NRTN: variants seen among roughly 807,000 people sequenced by gnomAD.
The protein encoded by NRTN is neurturin.
NRTN carries 3 observed loss-of-function variants against 7.5 expected under a neutral mutation model. That is an observed-to-expected ratio of 0.40 (90% CI 0.18 to 1.03). The LOEUF is 1.03. Among genes scored for constraint, NRTN ranks in the 50% least tolerant of loss-of-function variants. The pLI, the probability that NRTN is intolerant of heterozygous loss-of-function variation, is 0.34. For missense variants in NRTN, 310 were observed against 307.0 expected (o/e 1.01, Z -0.07); for synonymous variants, 157 against 146.6 (o/e 1.07, Z -0.51).
In NRTN at chr19:5,805,240, C is replaced by T. The variant is rs1482907849; in HGVS notation, c.-610C>T. Among the ~76,000 whole-genome samples, 3 of 146,104 alleles carry T rather than the reference C, an allele frequency of 2.1e-5. No homozygotes were observed. In the East Asian group the frequency reaches 6.0e-4, roughly 29 times the overall value. ...GGCACCCACCCCCAGCCCCAGCCCC[C>T]GCCGGCCCGGGATGGCCGCAGCCCG... On this transcript the variant is annotated 5_prime_UTR_variant, in exon 1 of 3. Transcript: ENST00000303212.
chr19:5,809,293 C>T (rs1310625457), intron 1 of NRTN, among the ~76,000 whole-genome samples: 1 of 151,484 alleles, frequency 6.6e-6, no homozygotes, highest in Non-Finnish European at 1.5e-5. Flanking sequence ...GCGTCAGCTT[C>T]CTGAGTAGCT....
At chr19:5,810,927 C>CAA (rs58641753) in intron 1 of NRTN, among the ~76,000 whole-genome samples, 6 of 136,422 alleles carry the variant, frequency 4.4e-5, no homozygotes, top group Non-Finnish European at 8.0e-5. Flanking sequence ...GACTCCATCT[C>CAA]AAAAAAAAAA....
intron 1 of NRTN, among the ~76,000 whole-genome samples, chr19:5,814,328 G>A (rs979471559): frequency 5.9e-5 from 9 of 152,218 alleles, no homozygotes; most frequent in African/African-American, 2.2e-4. Flanking sequence ...AGGGTTTCTG[G>A]TGGAGGGGCT....
intron 2 of NRTN, 112 bp from the exon 3 acceptor site, chr19:5,827,637 G>C (rs2057051600): frequency 2.5e-6 from 1 of 395,584 alleles, no homozygotes; most frequent in African/African-American, 2.2e-5. Context: ...AGCCGTCTAG[G>C]CCTGGCGTCC....
intron 1 of NRTN, among the ~76,000 whole-genome samples, chr19:5,811,060 A>C (rs2056989188): frequency 6.6e-6 from 1 of 151,930 alleles, no homozygotes; most frequent in Non-Finnish European, 1.5e-5. Context: ...AACATGGTGA[A>C]ACCCCGTCTC....
intron 1 of NRTN, among the ~76,000 whole-genome samples, chr19:5,810,738 G>C (rs560347506): frequency 1.3e-5 from 2 of 151,038 alleles, no homozygotes; most frequent in South Asian, 2.1e-4. Flanking sequence ...AGACCACCCT[G>C]GCCAACATGG....
intron 1 of NRTN, among the ~76,000 whole-genome samples, chr19:5,808,991 A>G (rs575331606): frequency 6.6e-6 from 1 of 151,546 alleles, no homozygotes; most frequent in African/African-American, 2.4e-5. Flanking sequence ...TCCTGACCTC[A>G]TGATCCTCCC....
At chr19:5,820,258 T>C (rs1170097655) in intron 1 of NRTN, among the ~76,000 whole-genome samples, 7 of 82,496 alleles carry the variant, frequency 8.5e-5, no homozygotes, top group East Asian at 2.8e-4. Flanking sequence ...AGAGCAAGAC[T>C]CCGTCTCAAA....
chr19:5,824,021 C>T lies in NRTN; in HGVS notation c.-145C>T. 1 of 1,076,758 alleles carries T rather than the reference C, an allele frequency of 9.3e-7. No individual in the cohort carries two copies. Among genetic ancestry groups the T allele is most frequent in the Admixed American group, 2.0e-5 (1 of 50,990 alleles). 66.7% of individuals were successfully genotyped at this position (1,076,758 alleles called of 1,614,324 possible). ...CCTTGTTCAATGGTTCCTTGAGGGACCATTCCCATGTGATTATCGACCATT... is the reference window on the plus strand; with the variant it reads ...CCTTGTTCAATGGTTCCTTGAGGGATCATTCCCATGTGATTATCGACCATT... On this transcript the variant is annotated 5_prime_UTR_variant, in exon 2 of 3. Coordinates refer to ENST00000303212, the MANE Select transcript of NRTN (RefSeq NM_004558.5).
intron 2 of NRTN, among the ~76,000 whole-genome samples, chr19:5,825,217 G>A (rs1015837136): frequency 6.6e-6 from 1 of 152,234 alleles, no homozygotes; most frequent in African/African-American, 2.4e-5. Flanking sequence ...TGCCCACCCT[G>A]AGGGCAAGAC....
At chr19:5,820,573 A>AG (rs1474076850) in intron 1 of NRTN, among the ~76,000 whole-genome samples, 1 of 148,512 alleles carries the variant, frequency 6.7e-6, no homozygotes, top group East Asian at 2.0e-4. Context: ...TCAAAAAAAA[A>AG]AAAAAATTAC....
At chr19:5,819,435 G>T (rs1466790122) in intron 1 of NRTN, among the ~76,000 whole-genome samples, 1 of 152,228 alleles carries the variant, frequency 6.6e-6, no homozygotes, top group East Asian at 1.9e-4. Flanking sequence ...GCCAAAGCGG[G>T]TGGATCACCT....
At chr19:5,819,196 C>T (rs1182373266) in intron 1 of NRTN, among the ~76,000 whole-genome samples, 2 of 152,230 alleles carry the variant, frequency 1.3e-5, no homozygotes, top group Non-Finnish European at 2.9e-5. Context: ...CACTTCCCAC[C>T]TCTGGACCTG....
In NRTN at chr19:5,827,867, G is replaced by A. The variant is rs763031420; in HGVS notation, c.288G>A (p.Ala96=). 241 of 1,230,080 alleles carry A rather than the reference G, an allele frequency of 2.0e-4. 1 individual carries two copies. Among genetic ancestry groups the A allele is most frequent in the Non-Finnish European group, 2.4e-4 (235 of 987,742 alleles). 76.2% of individuals were successfully genotyped at this position (1,230,080 alleles called of 1,614,324 possible). ...RAGPRRRRAR[A]RLGARPCGLR... ...GGCCCCGGCGGCGGCGCGCGCGTGC[G>A]CGGTTGGGGGCGCGGCCTTGCGGGC... The change falls in exon 3 of 3, where the codon GCG becomes GCA. Residue 96 remains alanine, a synonymous_variant. Transcript: ENST00000303212.
At position 5,806,821 on chromosome 19, in the gene NRTN, C is replaced by T. The variant is rs1001251973; in HGVS notation, c.-399+1370C>T. Among the ~76,000 whole-genome samples, 9 of 152,314 alleles carry T rather than the reference C, an allele frequency of 5.9e-5. No individual in the cohort carries two copies. The highest frequency in any genetic ancestry group is 8.8e-5 in the Non-Finnish European group (6 of 68,032). On this transcript the variant is annotated intron_variant, in intron 1 of 2. Transcript: ENST00000303212. The surrounding 1 kb of genome is among the most constrained non-coding windows in gnomAD (Gnocchi z 5.4). ...GTTTCAGGTCCCAGTTTTCAGGGAGCGAACAGAGGAGACAGCTTTCAAGAG... is the reference window on the plus strand; with the variant it reads ...GTTTCAGGTCCCAGTTTTCAGGGAGTGAACAGAGGAGACAGCTTTCAAGAG...
In NRTN at chr19:5,824,170, A is replaced by G. The variant is rs1056801200; in HGVS notation, c.5A>G (p.Gln2Arg). 2 of 1,607,852 alleles carry G rather than the reference A, an allele frequency of 1.2e-6. No homozygotes were observed. Among genetic ancestry groups the G allele is most frequent in the African/African-American group, 1.3e-5 (1 of 74,898 alleles). The change falls in exon 2 of 3, where the codon CAG becomes CGG. Residue 2 changes from glutamine to arginine, a missense_variant. Coordinates refer to ENST00000303212, the MANE Select transcript of NRTN (RefSeq NM_004558.5). M[Q>R]RWKAAALASV... Reference sequence around the variant, plus strand: ...TCCCGTGCCCGCAGGCTGAGGATGCAGCGCTGGAAGGCGGCGGCCTTGGCC... The same window carrying G: ...TCCCGTGCCCGCAGGCTGAGGATGCGGCGCTGGAAGGCGGCGGCCTTGGCC...
intron 1 of NRTN, among the ~76,000 whole-genome samples, chr19:5,820,739 A>T (rs921655365): frequency 2.4e-5 from 1 of 42,294 alleles, no homozygotes; most frequent in Non-Finnish European, 5.1e-5. Context: ...CTGTCTCAAG[A>T]AAAAAAAAAA....
At chr19:5,817,564 AAGGGAGGG>A (rs201590947) in intron 1 of NRTN, among the ~76,000 whole-genome samples, 107 of 126,246 alleles carry the variant, frequency 8.5e-4, no homozygotes, top group Admixed American at 2.0e-3. Flanking sequence ...GGAAGGAAGG[AAGGGAGGG>A]AGGGAGGGAG....
At chr19:5,821,409 A>G (rs1014942451) in intron 1 of NRTN, among the ~76,000 whole-genome samples, 8 of 142,306 alleles carry the variant, frequency 5.6e-5, no homozygotes, top group African/African-American at 2.1e-4. Context: ...GGTTCAAGCG[A>G]TTCTCCTGCC....
Sources: allele counts gnomAD v4.1 joint callset (sites outside exome capture counted in the v4.1 genomes callset), GRCh38; gene constraint gnomAD v4.1.1; non-coding constraint Gnocchi (gnomAD v3.1); transcripts MANE v1.5; gene names NCBI Gene and HGNC (gene_info 2026-07-23, HGNC 2026-07-21).